PODXL: variants seen among roughly 807,000 people sequenced by gnomAD.
The protein encoded by PODXL is podocalyxin like, also known as podocalyxin.
A neutral mutation model predicts 48.9 loss-of-function variants in PODXL; 20 were observed. That is an observed-to-expected ratio of 0.41 (90% CI 0.29 to 0.59). PODXL has a LOEUF of 0.59. Among genes scored for constraint, PODXL ranks in the 20% least tolerant of loss-of-function variants. The pLI is 0.31. For synonymous variants in PODXL, 295 were observed against 287.4 expected, an observed-to-expected ratio of 1.03 and a Z score of -0.27; for missense variants, 606 against 675.1, an observed-to-expected ratio of 0.90 and a Z score of 1.13.
chr7:131,508,496 A>G lies in PODXL; in HGVS notation c.1101+455T>C, dbSNP rs1244048131. 4.6e-5 allele frequency among the ~76,000 whole-genome samples: 7 copies of G among 152,064 alleles called. No individual in the cohort carries two copies. The East Asian group carries it at 1.4e-3, about 29-fold the overall frequency. On this transcript the variant is annotated intron_variant, in intron 5 of 8. Transcript: ENST00000378555. ...GGTCTTGAACTTCTGGCCTCAAGCA[A>G]ACTTCCTGCCTCAGCTTCTCAAAGT...
chr7:131,552,410 G>A (rs1798682489), intron 1 of PODXL, among the ~76,000 whole-genome samples: 1 of 152,184 alleles, frequency 6.6e-6, no homozygotes, highest in East Asian at 1.9e-4. Flanking sequence ...TCTAACCACA[G>A]GGAGTCTAGT....
intron 4 of PODXL, 89 bp downstream of exon 4, chr7:131,509,276 C>A (rs183299623): frequency 1.9e-6 from 2 of 1,076,404 alleles, no homozygotes; most frequent in Admixed American, 1.8e-5. Context: ...AGGGGCCCTG[C>A]GTTGGAGGAA....
intron 1 of PODXL, among the ~76,000 whole-genome samples, chr7:131,534,910 G>T (rs1190867075): frequency 6.6e-6 from 1 of 152,092 alleles, no homozygotes; most frequent in African/African-American, 2.4e-5. Flanking sequence ...AAAAAAATTA[G>T]CTGGGTGTGC....
intron 1 of PODXL, among the ~76,000 whole-genome samples, chr7:131,532,685 C>T (rs1798302216): frequency 6.6e-6 from 1 of 152,098 alleles, no homozygotes; most frequent in Non-Finnish European, 1.5e-5. Context: ...ACAGACTTGA[C>T]TGTCTGGGCC....
At position 131,500,470 on chromosome 7, in the gene PODXL, A is replaced by T. The variant is rs995492142; in HGVS notation, c.*3841T>A. 3 of 152,654 alleles carry T rather than the reference A, an allele frequency of 2.0e-5. No homozygotes were observed. Among genetic ancestry groups the T allele is most frequent in the African/African-American group, 7.2e-5 (3 of 41,452 alleles). The allele number at this position is 152,654 out of a possible 1,614,324, so 9.5% of individuals were successfully genotyped here. A position where few individuals can be genotyped will look rare whatever the true frequency, so the allele number is the denominator to read the frequency against. Reference sequence around the variant, plus strand: ...TTGAACATTCACTGCAGACAAAAAGACCAACACCAAAGAGTCATCTGTGTC... The same window carrying T: ...TTGAACATTCACTGCAGACAAAAAGTCCAACACCAAAGAGTCATCTGTGTC... On this transcript the variant is annotated 3_prime_UTR_variant, in exon 9 of 9. Transcript: ENST00000378555.
Position 131,554,984 on chromosome 7 carries a change from C to G in PODXL, c.100+1276G>C, listed in dbSNP as rs549264938. On this transcript the variant is annotated intron_variant, in intron 1 of 8. Transcript: ENST00000378555. ...CTTCCAGGGACACACATTCTTCCCC[C>G]CGCCGGGACCTTCCCTTTCTAGTCA... 8.5e-4 allele frequency among the ~76,000 whole-genome samples: 130 copies of G among 152,320 alleles called. 1 individual carries two copies. The South Asian group carries it at 0.025, about 29-fold the overall frequency.
chr7:131,550,799 A>G (rs916848749), intron 1 of PODXL, among the ~76,000 whole-genome samples: 3 of 151,178 alleles, frequency 2.0e-5, no homozygotes, highest in African/African-American at 4.9e-5. Context: ...ACACACACAC[A>G]CGCACACACA....
At chr7:131,516,509 T>C (rs779870505) in intron 1 of PODXL, among the ~76,000 whole-genome samples, 2 of 152,004 alleles carry the variant, frequency 1.3e-5, no homozygotes, top group Non-Finnish European at 2.9e-5. Context: ...AGAGAGATAC[T>C]GTGTCTCAGA....
chr7:131,533,704 A>G (rs966449821), intron 1 of PODXL, among the ~76,000 whole-genome samples: 2 of 152,170 alleles, frequency 1.3e-5, no homozygotes, highest in African/African-American at 4.8e-5. Context: ...ACAGCACCCA[A>G]GGATACTTGG....
chr7:131,524,379 C>CAGAGAGAGAGAGAGTGAG (rs1798143764), intron 1 of PODXL, among the ~76,000 whole-genome samples: 1 of 104,052 alleles, frequency 9.6e-6, no homozygotes, highest in Non-Finnish European at 2.3e-5. Context: ...CACACACACA[C>CAGAGAGAGAGAGAGTGAG]AGAGAGAGAG....
At chr7:131,506,195 A>G in intron 7 of PODXL, 65 bp downstream of exon 7, 3 of 1,578,704 alleles carry the variant, frequency 1.9e-6, no homozygotes, top group Non-Finnish European at 2.6e-6. Context: ...GAGAGAGGGG[A>G]GTAACCAGAC....
intron 1 of PODXL, among the ~76,000 whole-genome samples, chr7:131,530,678 C>T (rs775525225): frequency 6.6e-5 from 10 of 150,726 alleles, no homozygotes; most frequent in East Asian, 2.0e-4. Flanking sequence ...CAGTGAGCTA[C>T]GAGCTATCAC....
At chr7:131,529,056 A>G (rs192583193) in intron 1 of PODXL, among the ~76,000 whole-genome samples, 108 of 150,774 alleles carry the variant, frequency 7.2e-4, no homozygotes, top group African/African-American at 2.4e-3. Flanking sequence ...TCAGGGGGGG[A>G]AACGGGAATG....
intron 1 of PODXL, among the ~76,000 whole-genome samples, chr7:131,536,810 T>G (rs1798382311): frequency 6.6e-6 from 1 of 152,140 alleles, no homozygotes. Context: ...AATGTTTCAC[T>G]AAAGAATTAC....
At chr7:131,554,132 G>A (rs1262741917) in intron 1 of PODXL, among the ~76,000 whole-genome samples, 1 of 152,140 alleles carries the variant, frequency 6.6e-6, no homozygotes. Flanking sequence ...CAGTGTTTAT[G>A]CTATTCCCGA....
Position 131,504,211 on chromosome 7 carries a change from TCA to T in PODXL, c.*98_*99del. 2.1e-6 allele frequency: 2 copies of T among 967,784 alleles called. No individual in the cohort carries two copies. The highest frequency in any genetic ancestry group is 3.2e-6 in the Non-Finnish European group (2 of 632,434). 59.9% of individuals were successfully genotyped at this position (967,784 alleles called of 1,614,324 possible). A position where few individuals can be genotyped will look rare whatever the true frequency, so the allele number is the denominator to read the frequency against. On this transcript the variant is annotated 3_prime_UTR_variant, in exon 9 of 9. Coordinates refer to ENST00000378555, the MANE Select transcript of PODXL (RefSeq NM_001018111.3). ...ATTGGGAGGGGACACCCCTCGGAGT[TCA>T]CTCTCCCTCCCCAGTCTTTCCCTTC...
intron 1 of PODXL, among the ~76,000 whole-genome samples, chr7:131,537,430 T>C (rs1798392907): frequency 6.6e-6 from 1 of 151,794 alleles, no homozygotes; most frequent in African/African-American, 2.4e-5. Context: ...CTACTAAAAA[T>C]ACAAAAATCA....
In PODXL at chr7:131,506,525, C is replaced by A. The variant is rs1241012896; in HGVS notation, c.1249+54G>T. The A allele has an allele frequency of 1.1e-5, 17 of 1,579,152 alleles. No homozygotes were observed. In the East Asian group the frequency reaches 3.8e-4, roughly 35 times the overall value. On this transcript the variant is annotated intron_variant, in intron 6 of 8. Coordinates refer to ENST00000378555, the MANE Select transcript of PODXL (RefSeq NM_001018111.3). ...ACCCTCCAATGTGGCTTCTGCATGCCCCCCATTCCCACCCATGCAGGCCCC... is the reference window on the plus strand; with the variant it reads ...ACCCTCCAATGTGGCTTCTGCATGCACCCCATTCCCACCCATGCAGGCCCC...
chr7:131,536,840 C>T (rs947488621), intron 1 of PODXL, among the ~76,000 whole-genome samples: 6 of 152,170 alleles, frequency 3.9e-5, no homozygotes, highest in East Asian at 1.9e-4. Flanking sequence ...AAAAATGGCA[C>T]GTGGCCAGGT....
Sources: gnomAD v4.1 joint callset for allele counts (sites outside exome capture counted in the v4.1 genomes callset) on GRCh38, gnomAD v4.1.1 for gene constraint, MANE v1.5 for transcripts, NCBI Gene and HGNC (gene_info 2026-07-23, HGNC 2026-07-21) for gene names.